CDC25C: variants seen among roughly 807,000 people sequenced by gnomAD.
CDC25C encodes M-phase inducer phosphatase 3.
A neutral mutation model predicts 52.5 loss-of-function variants in CDC25C; 48 were observed. That is an observed-to-expected ratio of 0.91 (90% CI 0.72 to 1.16). The LOEUF is 1.16. Among genes scored for constraint, CDC25C ranks in the 50% most tolerant of loss-of-function variants. The pLI is 0.00. For synonymous variants in CDC25C, 187 were observed against 206.5 expected (o/e 0.91, Z 0.81); for missense variants, 510 against 566.1 (o/e 0.90, Z 1.01).
intron 7 of CDC25C, among the ~76,000 whole-genome samples, chr5:138,308,753 T>C (rs750455814): frequency 5.5e-4 from 83 of 152,256 alleles, no homozygotes; most frequent in Middle Eastern, 3.4e-3. Context: ...CTTAATACTA[T>C]GTTATAGAAC....
intron 6 of CDC25C, among the ~76,000 whole-genome samples, chr5:138,322,636 C>A (rs1279109523): frequency 6.6e-6 from 1 of 151,002 alleles, no homozygotes; most frequent in Admixed American, 6.6e-5. Flanking sequence ...CCACCATGCC[C>A]GGCTAATTTT....
rs1177766760 is a variant in CDC25C at position 138,331,009 on chromosome 5, C to T, written c.172G>A (p.Ala58Thr). ...TACCCAGACAAAATGCTTAGGTTTGCAGAATCACCAAGAAATTTGCCCACT... is the reference window on the plus strand; with the variant it reads ...TACCCAGACAAAATGCTTAGGTTTGTAGAATCACCAAGAAATTTGCCCACT... ...TPVGKFLGDSANLSILSGGTP... is the reference protein window; with the variant it reads ...TPVGKFLGDSTNLSILSGGTP... The change falls in exon 2 of 14, where the codon GCA (alanine) becomes ACA (threonine). Residue 58 changes from alanine (A) to threonine (T), a missense_variant. Transcript: ENST00000323760. 1.2e-6 allele frequency: 2 copies of T among 1,612,620 alleles called. No individual in the cohort carries two copies. The highest frequency in any genetic ancestry group is 1.7e-6 in the Non-Finnish European group (2 of 1,178,620).
rs774368212 is a variant in CDC25C, at chr5:138,285,783, A to C, written c.1331T>G (p.Leu444Trp). The change falls in exon 14 of 14, where the codon TTG becomes TGG. Residue 444 changes from leucine to tryptophan, a missense_variant. Coordinates refer to ENST00000323760, the MANE Select transcript of CDC25C (RefSeq NM_001790.5). ...PMHHQDHKTE[L>W]LRCRSQSKVQ... Reference sequence around the variant, plus strand: ...TTTGCTCTGGCTTCGACACCTCAGCAACTCAGTCTTGTGGTCCTGATGATG... The same window carrying C: ...TTTGCTCTGGCTTCGACACCTCAGCCACTCAGTCTTGTGGTCCTGATGATG... The C allele has an allele frequency of 1.9e-6, 3 of 1,614,210 alleles. No individual in the cohort carries two copies. Among genetic ancestry groups the C allele is most frequent in the East Asian group, 2.2e-5 (1 of 44,882 alleles).
chr5:138,294,482 GC>G (rs1406743826), intron 7 of CDC25C, among the ~76,000 whole-genome samples: 1 of 146,396 alleles, frequency 6.8e-6, no homozygotes, highest in Non-Finnish European at 1.5e-5. Context: ...GAGCCACCGT[GC>G]CCAACCACTC....
At chr5:138,290,575 A>C in intron 9 of CDC25C, 64 bp downstream of exon 9, 2 of 930,270 alleles carry the variant, frequency 2.1e-6, no homozygotes, top group Non-Finnish European at 3.6e-6. Flanking sequence ...CATTCTCGGC[A>C]AACAGAGAAG....
chr5:138,331,828 A>G, upstream of CDC25C: 1 of 985,856 alleles, frequency 1.0e-6, no homozygotes, highest in Non-Finnish European at 1.2e-6. Flanking sequence ...GGCGTTGACC[A>G]TTCAAACCTT....
At chr5:138,286,168 A>T in intron 12 of CDC25C, 35 bp from the exon 13 acceptor site, 1 of 1,524,248 alleles carries the variant, frequency 6.6e-7, no homozygotes, top group South Asian at 1.1e-5. Flanking sequence ...TGGGGTGGAA[A>T]GAAACAAGGT....
chr5:138,309,519 C>T (rs1036687234), intron 7 of CDC25C, among the ~76,000 whole-genome samples: 1 of 151,972 alleles, frequency 6.6e-6, no homozygotes, highest in African/African-American at 2.4e-5. Flanking sequence ...ATCACACCAT[C>T]ACACTCCAGC....
At chr5:138,333,543 C>T (rs187955407), upstream of CDC25C, 1 of 152,286 alleles carries the variant, frequency 6.6e-6, no homozygotes, top group Admixed American at 6.5e-5. Context: ...GTTTGAAAAT[C>T]AGGCTGGGGA....
At chr5:138,328,447 GGCTTT>G in intron 4 of CDC25C, 32 bp downstream of exon 4, 1 of 1,600,786 alleles carries the variant, frequency 6.2e-7, no homozygotes, top group South Asian at 1.1e-5. Flanking sequence ...AGTGCTAAAA[GGCTTT>G]TGTGTGGGGT....
At chr5:138,294,947 C>G (rs995584584) in intron 7 of CDC25C, among the ~76,000 whole-genome samples, 2 of 152,186 alleles carry the variant, frequency 1.3e-5, no homozygotes, top group Non-Finnish European at 2.9e-5. Context: ...CTGTGCCAGG[C>G]CTTTCTTCAG....
At chr5:138,289,325 G>A (rs962135714) in intron 10 of CDC25C, among the ~76,000 whole-genome samples, 176 bp downstream of exon 10, 1 of 152,078 alleles carries the variant, frequency 6.6e-6, no homozygotes, top group African/African-American at 2.4e-5. Flanking sequence ...AACTAAAAAC[G>A]AAGGAGAGAG....
chr5:138,321,277 G>T (rs990700406), intron 6 of CDC25C, among the ~76,000 whole-genome samples: 1 of 151,974 alleles, frequency 6.6e-6, no homozygotes, highest in Non-Finnish European at 1.5e-5. Context: ...ATGAGTTCTG[G>T]TGATAGTCTC....
chr5:138,287,354 CCTGTT>C lies in CDC25C; in HGVS notation c.928-92_928-88del, dbSNP rs149433814. On this transcript the variant is annotated intron_variant, in intron 10 of 13. Transcript: ENST00000323760. ...TGACACAGTTCCTTACAAGCATACT[CCTGTT>C]CTGTCCACTGTATGTCCAGCCTCCA... The C allele has an allele frequency of 9.7e-5, 83 of 858,234 alleles. No homozygotes were observed. In the African/African-American group the frequency reaches 1.3e-3, roughly 13 times the overall value. 53.2% of individuals were successfully genotyped at this position (858,234 alleles called of 1,614,324 possible).
chr5:138,326,107 A>G (rs1212085453), intron 4 of CDC25C, 53 bp from the exon 5 acceptor site: 47 of 1,587,102 alleles, frequency 3.0e-5, no homozygotes, highest in Non-Finnish European at 3.6e-5. Context: ...CTGTTTGATT[A>G]TTCTTCAGTG....
At chr5:138,286,778 C>G in intron 11 of CDC25C, 148 bp from the exon 12 acceptor site, 1 of 653,302 alleles carries the variant, frequency 1.5e-6, no homozygotes, top group South Asian at 2.2e-5. Flanking sequence ...AAGTATATCT[C>G]TGTATATACC....
In CDC25C at chr5:138,304,331, C is replaced by CTT. The variant is rs558050918; in HGVS notation, c.616-12217_616-12216dup. 4.8e-3 allele frequency among the ~76,000 whole-genome samples: 483 copies of CTT among 100,874 alleles called. 2 individuals carry two copies. The highest frequency in any genetic ancestry group is 6.1e-3 in the African/African-American group (143 of 23,618). The allele number at this position is 100,874 out of a possible 152,430, so 66.2% of individuals were successfully genotyped here. A position where few individuals can be genotyped will look rare whatever the true frequency, so the allele number is the denominator to read the frequency against. ...CTACAGGCATACACACCATGCCTGG[C>CTT]TTTTTTTTTTTTTTTTTTTTTTTGT... On this transcript the variant is annotated intron_variant, in intron 7 of 13. Transcript: ENST00000323760.
chr5:138,289,264 T>G (rs564359224), intron 10 of CDC25C, among the ~76,000 whole-genome samples: 8 of 152,186 alleles, frequency 5.3e-5, no homozygotes, highest in African/African-American at 1.7e-4. Context: ...TGAGCCACCA[T>G]GCCTGACCCC....
intron 7 of CDC25C, among the ~76,000 whole-genome samples, chr5:138,302,752 A>G (rs576289870): frequency 8.8e-4 from 133 of 151,214 alleles, no homozygotes; most frequent in Non-Finnish European, 1.2e-3. Context: ...AACTCACTTG[A>G]TTATCTCAAT....
Sources: allele counts gnomAD v4.1 joint callset (sites outside exome capture counted in the v4.1 genomes callset), GRCh38; gene constraint gnomAD v4.1.1; transcripts MANE v1.5; gene names NCBI Gene and HGNC (gene_info 2026-07-23, HGNC 2026-07-21).